DDX10: variants seen among roughly 807,000 people sequenced by gnomAD.
DDX10 encodes probable ATP-dependent RNA helicase DDX10.
In DDX10, 74 loss-of-function variants were observed where a neutral mutation model predicts 104.3. That is an observed-to-expected ratio of 0.71 (90% CI 0.59 to 0.86). DDX10 has a LOEUF of 0.86. Among genes scored for constraint, DDX10 ranks in the 40% least tolerant of loss-of-function variants. The pLI is 0.00. For missense variants in DDX10, 952 were observed against 1,040.0 expected (o/e 0.92, Z 1.16); for synonymous variants, 351 against 353.4 (o/e 0.99, Z 0.08).
intron 15 of DDX10, among the ~76,000 whole-genome samples, chr11:108,850,700 G>C (rs901724010): frequency 6.6e-6 from 1 of 152,124 alleles, no homozygotes; most frequent in African/African-American, 2.4e-5. Context: ...AAAACATATT[G>C]ATACGGATAC....
intron 13 of DDX10, among the ~76,000 whole-genome samples, chr11:108,735,562 A>T (rs757322154): frequency 2.0e-5 from 3 of 152,156 alleles, no homozygotes; most frequent in African/African-American, 7.2e-5. Flanking sequence ...GGTTTTAAGC[A>T]TTGAAAATAT....
intron 15 of DDX10, among the ~76,000 whole-genome samples, chr11:108,843,056 G>A (rs1435977812): frequency 6.6e-6 from 1 of 152,142 alleles, no homozygotes; most frequent in Admixed American, 6.5e-5. Flanking sequence ...GTTAATGTTT[G>A]CTAGGCTCTG....
intron 13 of DDX10, among the ~76,000 whole-genome samples, chr11:108,817,527 C>T (rs964240671): frequency 6.6e-6 from 1 of 152,162 alleles, no homozygotes; most frequent in African/African-American, 2.4e-5. Context: ...CCCTTACTCA[C>T]CTTTGTCTCT....
chr11:108,705,958 C>T (rs1326789977), intron 9 of DDX10, among the ~76,000 whole-genome samples: 1 of 152,026 alleles, frequency 6.6e-6, no homozygotes, highest in African/African-American at 2.4e-5. Flanking sequence ...AAGCATTTTA[C>T]TTGAACAGTT....
At position 108,691,903 on chromosome 11, in the gene DDX10, C is replaced by A; in HGVS notation, c.1003C>A (p.Arg335=). The A allele has an allele frequency of 6.2e-7, 1 of 1,613,960 alleles. No homozygotes were observed. Residue 335 remains arginine (R), a synonymous_variant, in exon 8 of 18, where the codon CGG becomes AGG. Transcript: ENST00000322536. ...CCAGTATCTGTACCGAGTGTTTTGC[C>A]GGCTACGTCCTGGTGTTTCTATCCT... is the stretch of plus-strand genomic sequence containing the variant. The part of the protein sequence containing the change: ...EVQYLYRVFC[R]LRPGVSILAL...
intron 13 of DDX10, among the ~76,000 whole-genome samples, chr11:108,777,700 C>G (rs2094371925): frequency 6.6e-6 from 1 of 152,104 alleles, no homozygotes. Context: ...CCAGGGCAAT[C>G]AGGCAAGAGA....
chr11:108,843,388 A>T (rs925727244), intron 15 of DDX10, among the ~76,000 whole-genome samples: 10 of 85,942 alleles, frequency 1.2e-4, no homozygotes, highest in Non-Finnish European at 1.9e-4. Context: ...CTGCTTGCAC[A>T]TCCTTTTTTT....
intron 16 of DDX10, 120 bp downstream of exon 16, chr11:108,852,329 T>C (rs1377595364): frequency 3.0e-6 from 2 of 668,830 alleles, no homozygotes; most frequent in African/African-American, 1.8e-5. Context: ...TCCTCTTCTT[T>C]TCAACATGGA....
Position 108,852,190 on chromosome 11 carries a change from C to T in DDX10, c.2285C>T (p.Ala762Val), listed in dbSNP as rs755460972. 1 of 1,611,134 alleles carries T rather than the reference C, an allele frequency of 6.2e-7. No homozygotes were observed. The highest frequency in any genetic ancestry group is 8.5e-7 in the Non-Finnish European group (1 of 1,178,256). ...RLKEREARRE[A>V]NKRQAKAKDE... ...AAAGAAAGGGAAGCCAGAAGAGAAG[C>T]CAACAAGAGACAAGCAAAGGTAAGG... The change falls in exon 16 of 18, where the codon GCC (alanine) becomes GTC (valine). Residue 762 changes from alanine (A) to valine (V), a missense_variant. Ala to Val is a moderately conservative substitution (Grantham distance 64). Transcript: ENST00000322536.
chr11:108,702,260 T>C (rs2094269407), intron 9 of DDX10, among the ~76,000 whole-genome samples: 1 of 152,194 alleles, frequency 6.6e-6, no homozygotes, highest in African/African-American at 2.4e-5. Flanking sequence ...TAGACAATAA[T>C]GACAAAACAA....
intron 16 of DDX10, 107 bp downstream of exon 16, chr11:108,852,316 A>G (rs1460466194): frequency 4.1e-6 from 3 of 734,410 alleles, no homozygotes; most frequent in Admixed American, 3.1e-5. Flanking sequence ...AATGGAATTT[A>G]AATCCTCTTC....
intron 11 of DDX10, among the ~76,000 whole-genome samples, chr11:108,716,933 T>A (rs541022543): frequency 1.3e-5 from 2 of 152,206 alleles, no homozygotes; most frequent in South Asian, 2.1e-4. Context: ...TTTTTTTTTT[T>A]AAAGTTTTTA....
chr11:108,675,528 C>G (rs1403902749), intron 2 of DDX10, 68 bp from the exon 3 acceptor site: 10 of 1,537,518 alleles, frequency 6.5e-6, no homozygotes, highest in Admixed American at 3.9e-5. Context: ...GGGGACACAA[C>G]TCACTTAGCC....
intron 16 of DDX10, among the ~76,000 whole-genome samples, chr11:108,898,150 C>T (rs2134645832): frequency 6.6e-6 from 1 of 152,270 alleles, no homozygotes; most frequent in South Asian, 2.1e-4. Flanking sequence ...GGCTGCCCAT[C>T]ACAGACCCAT....
At chr11:108,835,006 C>T (rs1362566060) in intron 13 of DDX10, among the ~76,000 whole-genome samples, 1 of 151,340 alleles carries the variant, frequency 6.6e-6, no homozygotes, top group Admixed American at 6.6e-5. Context: ...ACAAAGTCAC[C>T]AGCCCTGGTG....
At chr11:108,801,439 C>T (rs1269948226) in intron 13 of DDX10, among the ~76,000 whole-genome samples, 1 of 152,084 alleles carries the variant, frequency 6.6e-6, no homozygotes, top group Non-Finnish European at 1.5e-5. Flanking sequence ...TTAAACTATT[C>T]CAAGGTTGTA....
chr11:108,772,862 C>G (rs964390999), intron 13 of DDX10, among the ~76,000 whole-genome samples: 1 of 152,178 alleles, frequency 6.6e-6, no homozygotes, highest in African/African-American at 2.4e-5. Context: ...AATTGTCTTC[C>G]ACAAGAATAG....
chr11:108,727,089 G>A (rs928491683), intron 13 of DDX10, among the ~76,000 whole-genome samples: 2 of 151,786 alleles, frequency 1.3e-5, no homozygotes, highest in Non-Finnish European at 2.9e-5. Context: ...TAATATTTTC[G>A]TTAAGGATCT....
At chr11:108,758,011 A>G (rs1224475532) in intron 13 of DDX10, among the ~76,000 whole-genome samples, 1 of 152,018 alleles carries the variant, frequency 6.6e-6, no homozygotes, top group Non-Finnish European at 1.5e-5. Flanking sequence ...GCCTACTGCT[A>G]CAGCAACCTC....
Sources: allele counts gnomAD v4.1 joint callset (sites outside exome capture counted in the v4.1 genomes callset), GRCh38; gene constraint gnomAD v4.1.1; transcripts MANE v1.5; gene names NCBI Gene and HGNC (gene_info 2026-07-23, HGNC 2026-07-21).